AGBL1: variants seen among roughly 807,000 people sequenced by gnomAD.
AGBL1 encodes the protein AGBL carboxypeptidase 1.
AGBL1 carries 130 observed loss-of-function variants against 118.9 expected under a neutral mutation model. The ratio of observed to expected loss-of-function variants is 1.09; its 90% confidence interval spans 0.95 to 1.26. AGBL1 has a LOEUF of 1.26. Ranked by LOEUF, AGBL1 falls within the 50% of genes most tolerant of loss-of-function variation. The probability of loss-of-function intolerance (pLI) is 0.00; values close to 1 mark genes in which losing one functional copy is unlikely to be tolerated. For synonymous variants in AGBL1, 555 were observed against 478.9 expected (o/e 1.16, Z -2.08); for missense variants, 1,584 against 1,298.1 (o/e 1.22, Z -3.38).
intron 22 of AGBL1, among the ~76,000 whole-genome samples, chr15:86,679,125 G>A (rs1238498474): frequency 6.6e-6 from 1 of 151,938 alleles, no homozygotes; most frequent in Non-Finnish European, 1.5e-5. Context: ...CTAACCCACT[G>A]GGATTTTAAC....
chr15:86,251,572 C>A (rs1223025284), intron 7 of AGBL1, among the ~76,000 whole-genome samples: 2 of 152,156 alleles, frequency 1.3e-5, no homozygotes, highest in Non-Finnish European at 2.9e-5. Flanking sequence ...CCTTCCCACA[C>A]CTTTGCCATC....
intron 6 of AGBL1, among the ~76,000 whole-genome samples, chr15:86,244,849 C>G (rs751759385): frequency 6.6e-6 from 1 of 152,128 alleles, no homozygotes; most frequent in African/African-American, 2.4e-5. Flanking sequence ...CCACTTAATT[C>G]TCAATTTTCT....
chr15:86,591,002 C>T (rs1368187196), intron 21 of AGBL1, among the ~76,000 whole-genome samples: 2 of 152,162 alleles, frequency 1.3e-5, no homozygotes, highest in Non-Finnish European at 2.9e-5. Flanking sequence ...TACGTTATAG[C>T]TGTGTTTTCC....
At chr15:86,481,943 C>G (rs1364350135) in intron 18 of AGBL1, among the ~76,000 whole-genome samples, 1 of 152,040 alleles carries the variant, frequency 6.6e-6, no homozygotes, top group Non-Finnish European at 1.5e-5. Flanking sequence ...AGAGGGAAAG[C>G]CATGTTTGCT....
At chr15:86,418,661 T>A (rs1235088892) in intron 18 of AGBL1, among the ~76,000 whole-genome samples, 3 of 152,186 alleles carry the variant, frequency 2.0e-5, no homozygotes, top group African/African-American at 7.2e-5. Flanking sequence ...TGACATTGTC[T>A]TAAGCTAAGG....
chr15:86,277,711 C>A (rs918352142), intron 15 of AGBL1, among the ~76,000 whole-genome samples: 4 of 152,144 alleles, frequency 2.6e-5, no homozygotes, highest in Admixed American at 1.3e-4. Flanking sequence ...CCCTACTGGC[C>A]CTTCGGGACA....
At chr15:86,665,503 TC>T (rs2085629136) in intron 21 of AGBL1, among the ~76,000 whole-genome samples, 2 of 152,166 alleles carry the variant, frequency 1.3e-5, no homozygotes, top group Admixed American at 1.3e-4. Flanking sequence ...GCATTTTATA[TC>T]AAAGCAAATT....
chr15:86,563,039 T>C (rs912832243), intron 21 of AGBL1, among the ~76,000 whole-genome samples: 2 of 152,190 alleles, frequency 1.3e-5, no homozygotes, highest in African/African-American at 4.8e-5. Context: ...TCTCTTTTTT[T>C]CTTTATTAGT....
At chr15:86,212,133 C>G (rs2078109275) in intron 5 of AGBL1, among the ~76,000 whole-genome samples, 1 of 152,172 alleles carries the variant, frequency 6.6e-6, no homozygotes, top group African/African-American at 2.4e-5. Context: ...CTGTTGCAAT[C>G]TATTCAATGA....
At chr15:86,306,376 G>A (rs1004564809) in intron 17 of AGBL1, among the ~76,000 whole-genome samples, 10 of 151,862 alleles carry the variant, frequency 6.6e-5, no homozygotes, top group Admixed American at 2.0e-4. Context: ...CAATTGATTC[G>A]ATTTTTAGAT....
chr15:86,160,626 T>C (rs2141713525), intron 5 of AGBL1, among the ~76,000 whole-genome samples: 1 of 152,344 alleles, frequency 6.6e-6, no homozygotes, highest in Non-Finnish European at 1.5e-5. Flanking sequence ...TGGTTACCAA[T>C]CTATGAACTT....
chr15:86,311,638 A>G (rs2141824673), intron 17 of AGBL1, among the ~76,000 whole-genome samples: 1 of 152,290 alleles, frequency 6.6e-6, no homozygotes, highest in Admixed American at 6.5e-5. Flanking sequence ...ACGAATATCA[A>G]CAGAAGAGTG....
At chr15:86,968,203 A>G (rs2081073718) in intron 23 of AGBL1, among the ~76,000 whole-genome samples, 1 of 151,924 alleles carries the variant, frequency 6.6e-6, no homozygotes, top group South Asian at 2.1e-4. Context: ...ATTTGGAGTC[A>G]GAAAGAAGGC....
At chr15:86,973,733 T>C (rs1203617087) in intron 23 of AGBL1, among the ~76,000 whole-genome samples, 1 of 151,692 alleles carries the variant, frequency 6.6e-6, no homozygotes, top group African/African-American at 2.4e-5. Flanking sequence ...AGGAGCATTC[T>C]CTTGTGTTAA....
chr15:86,225,029 G>GTT, intron 6 of AGBL1, 78 bp downstream of exon 6: 8 of 1,160,956 alleles, frequency 6.9e-6, no homozygotes, highest in East Asian at 2.7e-5. Flanking sequence ...CCCCATGGCT[G>GTT]TTTCTTTTTT....
At position 86,109,458 on chromosome 15, in the gene AGBL1, A is replaced by G. The variant is rs537381831; in HGVS notation, c.51+29435A>G. Among the ~76,000 whole-genome samples, 180 of 152,274 alleles carry G rather than the reference A, an allele frequency of 1.2e-3. 4 individuals carry two copies. In the South Asian group the frequency reaches 0.035, roughly 30 times the overall value. On this transcript the variant is annotated intron_variant, in intron 1 of 22. Coordinates refer to ENST00000614907, the MANE Select transcript of AGBL1 (RefSeq NM_001386094.1). ...TTTTTTCTCATATCTTTTCTGGCTG[A>G]ATTTTCTTTGATTGCTCTATTCATA...
At chr15:86,696,008 G>A (rs1314108316) in intron 22 of AGBL1, among the ~76,000 whole-genome samples, 1 of 151,782 alleles carries the variant, frequency 6.6e-6, no homozygotes, top group Admixed American at 6.6e-5. Context: ...TTGTTTTGTG[G>A]CCTATCTTGG....
intron 17 of AGBL1, among the ~76,000 whole-genome samples, chr15:86,355,144 G>C (rs547962050): frequency 1.3e-5 from 2 of 152,316 alleles, no homozygotes; most frequent in East Asian, 3.9e-4. Context: ...CTATTGTACA[G>C]ACCTGTGAGA....
chr15:86,557,400 G>A (rs967521053), intron 21 of AGBL1, among the ~76,000 whole-genome samples: 1 of 152,190 alleles, frequency 6.6e-6, no homozygotes, highest in Non-Finnish European at 1.5e-5. Flanking sequence ...GTTGCTGGTA[G>A]CTTAGGAGGA....
Sources: gnomAD v4.1 joint callset for allele counts (sites outside exome capture counted in the v4.1 genomes callset) on GRCh38, gnomAD v4.1.1 for gene constraint, MANE v1.5 for transcripts, NCBI Gene and HGNC (gene_info 2026-07-23, HGNC 2026-07-21) for gene names.